TRDN: variants seen among roughly 807,000 people sequenced by gnomAD.
TRDN encodes the protein triadin.
TRDN carries 161 observed loss-of-function variants against 149.7 expected under a neutral mutation model. That is an observed-to-expected ratio of 1.08 (90% CI 0.95 to 1.23). TRDN has a LOEUF of 1.23. TRDN is among the 50% of genes most tolerant of loss of function. The pLI is 0.00. For missense variants in TRDN, 896 were observed against 823.5 expected (o/e 1.09, Z -1.08); for synonymous variants, 294 against 250.5 (o/e 1.17, Z -1.64).
intron 38 of TRDN, among the ~76,000 whole-genome samples, chr6:123,237,400 C>T (rs972742169): frequency 2.6e-5 from 4 of 152,056 alleles, no homozygotes; most frequent in African/African-American, 9.7e-5. Flanking sequence ...CAGGTAAGTG[C>T]CACCATGCCC....
chr6:123,609,636 T>G (rs183751742), intron 1 of TRDN, among the ~76,000 whole-genome samples: 1 of 152,272 alleles, frequency 6.6e-6, no homozygotes. Context: ...CTTCTCTCTT[T>G]GTTCTTCTCC....
intron 6 of TRDN, among the ~76,000 whole-genome samples, chr6:123,514,866 GT>G (rs1779347027): frequency 6.6e-6 from 1 of 151,926 alleles, no homozygotes; most frequent in African/African-American, 2.4e-5. Flanking sequence ...TCACTCATAA[GT>G]GGGAGTGAAC....
chr6:123,528,442 T>C (rs1486345086), intron 5 of TRDN, among the ~76,000 whole-genome samples: 1 of 151,968 alleles, frequency 6.6e-6, no homozygotes, highest in African/African-American at 2.4e-5. Context: ...AACGAATATC[T>C]TTTGTCATCC....
chr6:123,244,197 G>A (rs1776093182), intron 38 of TRDN, among the ~76,000 whole-genome samples: 1 of 151,186 alleles, frequency 6.6e-6, no homozygotes, highest in Non-Finnish European at 1.5e-5. Context: ...TCCTCCAAAG[G>A]ATCACAACTC....
At chr6:123,479,350 T>C (rs1777642558) in intron 9 of TRDN, among the ~76,000 whole-genome samples, 1 of 152,166 alleles carries the variant, frequency 6.6e-6, no homozygotes, top group South Asian at 2.1e-4. Flanking sequence ...TGGGAAAAAG[T>C]GAACTAAAGC....
At chr6:123,565,063 T>G (rs1782209909) in intron 2 of TRDN, among the ~76,000 whole-genome samples, 1 of 152,218 alleles carries the variant, frequency 6.6e-6, no homozygotes, top group Non-Finnish European at 1.5e-5. Context: ...AAATCCTATT[T>G]GTTTGCACTT....
At chr6:123,375,661 C>CA in intron 18 of TRDN, 30 bp from the exon 19 acceptor site, 1 of 1,488,542 alleles carries the variant, frequency 6.7e-7, no homozygotes, top group African/African-American at 1.4e-5. Context: ...ATAAGGTCAA[C>CA]AGTAATTACA....
At chr6:123,485,691 G>C (rs968607637) in intron 9 of TRDN, among the ~76,000 whole-genome samples, 5 of 152,010 alleles carry the variant, frequency 3.3e-5, no homozygotes, top group Non-Finnish European at 5.9e-5. Context: ...AGTCAAGAGG[G>C]TTTTATGTGT....
intron 1 of TRDN, among the ~76,000 whole-genome samples, chr6:123,625,596 A>G (rs1785621293): frequency 6.6e-6 from 1 of 152,190 alleles, no homozygotes; most frequent in Non-Finnish European, 1.5e-5. Context: ...CTAAAAGAGT[A>G]TAACTGGACT....
chr6:123,531,164 G>T (rs1780235024), intron 4 of TRDN, among the ~76,000 whole-genome samples: 1 of 151,880 alleles, frequency 6.6e-6, no homozygotes, highest in African/African-American at 2.4e-5. Flanking sequence ...TTTTCTGCTA[G>T]CTTCAGTATA....
Position 123,255,064 on chromosome 6 carries a change from AC to A in TRDN, c.1951+16del. On this transcript the variant is annotated intron_variant, in intron 37 of 40. Transcript: ENST00000334268. ...ATGTTTTCATACAAACATAGTAGTT[AC>A]GTAATTCAAGATTACCTTTTGTCAC... The A allele has an allele frequency of 7.6e-7, 1 of 1,307,394 alleles. No homozygotes were observed. The highest frequency in any genetic ancestry group is 2.6e-5 in the East Asian group (1 of 38,984). The allele number at this position is 1,307,394 out of a possible 1,614,324, so 81.0% of individuals were successfully genotyped here.
chr6:123,457,086 C>T (rs1361508595), intron 10 of TRDN, among the ~76,000 whole-genome samples: 5 of 152,280 alleles, frequency 3.3e-5, no homozygotes, highest in Admixed American at 1.3e-4. Context: ...ATCAAATTCG[C>T]TCAAATTCAC....
intron 10 of TRDN, among the ~76,000 whole-genome samples, chr6:123,446,557 T>C (rs3936066): frequency 0.13 from 17,138 of 132,172 alleles, 1,508 homozygotes; most frequent in South Asian, 0.28. Context: ...TGCACTCCAG[T>C]CTGGGCAACA....
intron 8 of TRDN, chr6:123,498,419 A>C (rs1312252443): frequency 5.5e-6 from 2 of 360,938 alleles, no homozygotes; most frequent in Non-Finnish European, 1.2e-5. Flanking sequence ...ATTGAAGAAG[A>C]TATAAAAATA....
chr6:123,610,081 T>C (rs757925373), intron 1 of TRDN, among the ~76,000 whole-genome samples: 1 of 152,224 alleles, frequency 6.6e-6, no homozygotes, highest in African/African-American at 2.4e-5. Context: ...AATTTTCACC[T>C]GTCCAGTTGA....
At chr6:123,471,210 A>C (rs1349316308) in intron 9 of TRDN, 1 of 152,234 alleles carries the variant, frequency 6.6e-6, no homozygotes, top group Admixed American at 6.5e-5. Context: ...AGTGAGAAAA[A>C]TACATCAAGG....
intron 24 of TRDN, among the ~76,000 whole-genome samples, chr6:123,286,785 T>G (rs1777819423): frequency 6.6e-6 from 1 of 152,010 alleles, no homozygotes; most frequent in Admixed American, 6.6e-5. Flanking sequence ...CACTGAGAAG[T>G]CCTTGTCAGT....
chr6:123,323,657 G>A (rs1486018090), intron 23 of TRDN, among the ~76,000 whole-genome samples: 1 of 152,194 alleles, frequency 6.6e-6, no homozygotes, highest in African/African-American at 2.4e-5. Context: ...ACTTTGCTGA[G>A]TGGACATTAA....
chr6:123,423,741 T>C (rs1275589908), intron 12 of TRDN, among the ~76,000 whole-genome samples: 1 of 152,156 alleles, frequency 6.6e-6, no homozygotes, highest in African/African-American at 2.4e-5. Context: ...ACTTCTACCT[T>C]AATATGTTTT....
Sources: gnomAD v4.1 joint callset for allele counts (sites outside exome capture counted in the v4.1 genomes callset) on GRCh38, gnomAD v4.1.1 for gene constraint, MANE v1.5 for transcripts, NCBI Gene and HGNC (gene_info 2026-07-23, HGNC 2026-07-21) for gene names.